The following TSPAN16 variants were observed in gnomAD, a reference collection of about 807,000 sequenced individuals.
TSPAN16 encodes the protein tetraspanin-16.
Under a neutral mutation model 25.2 loss-of-function variants are expected in TSPAN16, and 23 were observed. The observed-to-expected ratio is 0.91, with a 90% confidence interval of 0.66 to 1.29. The LOEUF (loss-of-function observed/expected upper bound fraction) is 1.29. Ranked by LOEUF, TSPAN16 falls within the 50% of genes most tolerant of loss-of-function variation. The pLI is 0.00. For missense variants in TSPAN16, 272 were observed against 299.9 expected (o/e 0.91, Z 0.69); for synonymous variants, 123 against 124.4 (o/e 0.99, Z 0.08).
intron 6 of TSPAN16, chr19:11,322,502 G>A (rs1299054074): frequency 6.6e-6 from 1 of 152,174 alleles, no homozygotes; most frequent in African/African-American, 2.4e-5. Flanking sequence ...CCCTGGAGCT[G>A]GAGAGGGGTT....
rs555734547 is a variant in TSPAN16, at chr19:11,296,702, AT to A, written c.69+343del. Among the ~76,000 whole-genome samples, 863 of 152,252 alleles carry A rather than the reference AT, an allele frequency of 5.7e-3. 6 individuals carry two copies. The highest frequency in any genetic ancestry group is 9.8e-3 in the Non-Finnish European group (666 of 68,018). ...TTTCTTGATCTTTTAAATTTGTCAC[AT>A]TTTTTTCCTTACCGTAAAAGTAACC... On this transcript the variant is annotated intron_variant, in intron 1 of 6. Coordinates refer to ENST00000590327, the MANE Select transcript of TSPAN16 (RefSeq NM_001282509.2).
At chr19:11,297,917 G>A (rs1281931739) in intron 1 of TSPAN16, among the ~76,000 whole-genome samples, 2 of 151,896 alleles carry the variant, frequency 1.3e-5, no homozygotes, top group African/African-American at 4.8e-5. Context: ...GCAGACACCT[G>A]AGTAGCTGAG....
At chr19:11,320,918 C>T (rs2080774958), downstream of TSPAN16, among the ~76,000 whole-genome samples, 1 of 151,926 alleles carries the variant, frequency 6.6e-6, no homozygotes, top group Non-Finnish European at 1.5e-5. Context: ...CGCCTGTAAT[C>T]CCAGCATTTT....
At chr19:11,311,408 A>G (rs1013063168) in intron 5 of TSPAN16, among the ~76,000 whole-genome samples, 1 of 149,236 alleles carries the variant, frequency 6.7e-6, no homozygotes, top group African/African-American at 2.5e-5. Flanking sequence ...TGCTGAGATT[A>G]TAGGCATGAA....
In TSPAN16 at chr19:11,301,211, T is replaced by G. The variant is rs1184525672; in HGVS notation, c.353T>G (p.Val118Gly). 5 of 1,613,796 alleles carry G rather than the reference T, an allele frequency of 3.1e-6. No homozygotes were observed. The African/African-American group carries it at 4.0e-5, about 13-fold the overall frequency. Reference protein sequence around the residue: ...VLLFFPIVGDVALEHTFVTLR... With the variant: ...VLLFFPIVGDGALEHTFVTLR... ...TGTCCTCTCTGTGAGGTTGGAGATG[T>G]GGCCTTGGAACACACCTTCGTGACC... The change falls in exon 4 of 7, where the codon GTG becomes GGG. Residue 118 changes from valine (V) to glycine (G), a missense_variant. Val to Gly is a moderately radical substitution (Grantham distance 109). Coordinates refer to ENST00000590327, the MANE Select transcript of TSPAN16 (RefSeq NM_001282509.2).
chr19:11,326,643 GC>G, intron 6 of TSPAN16: 1 of 525,974 alleles, frequency 1.9e-6, no homozygotes, highest in East Asian at 3.4e-5. Context: ...TCTCTCTATT[GC>G]CCAGGCCGGG....
At chr19:11,298,678 C>A (rs1165777582) in intron 2 of TSPAN16, among the ~76,000 whole-genome samples, 194 bp from the exon 3 acceptor site, 1 of 151,990 alleles carries the variant, frequency 6.6e-6, no homozygotes. Flanking sequence ...GTGATCCACC[C>A]GCCTCGGTCT....
chr19:11,313,157 G>A (rs2080711140), intron 6 of TSPAN16, among the ~76,000 whole-genome samples: 1 of 152,082 alleles, frequency 6.6e-6, no homozygotes, highest in African/African-American at 2.4e-5. Flanking sequence ...ATAAAAAAGA[G>A]GAAGACATAT....
chr19:11,302,873 C>T (rs2080578256), intron 4 of TSPAN16, among the ~76,000 whole-genome samples: 1 of 150,834 alleles, frequency 6.6e-6, no homozygotes, highest in African/African-American at 2.4e-5. Context: ...TTCGTGCCAC[C>T]ATGCCTGGCT....
At chr19:11,311,422 C>T (rs771600633) in intron 5 of TSPAN16, among the ~76,000 whole-genome samples, 22 of 152,048 alleles carry the variant, frequency 1.4e-4, no homozygotes, top group Non-Finnish European at 2.9e-4. Context: ...GCATGAACCA[C>T]CACGCCCAGC....
chr19:11,312,240 T>C lies in TSPAN16; in HGVS notation c.687+18T>C, dbSNP rs1450450401. On this transcript the variant is annotated intron_variant, in intron 6 of 6. Coordinates refer to ENST00000590327, the MANE Select transcript of TSPAN16 (RefSeq NM_001282509.2). ...TGATACAGGTAAGACCCAGCCTCTC[T>C]AGGGTCTTTGAGCTGTTTTATTAAG... 6.3e-7 allele frequency: 1 copy of C among 1,586,688 alleles called. No homozygotes were observed. The highest frequency in any genetic ancestry group is 1.4e-5 in the African/African-American group (1 of 74,002).
At chr19:11,325,939 G>A (rs1255318709) in intron 6 of TSPAN16, among the ~76,000 whole-genome samples, 1 of 152,072 alleles carries the variant, frequency 6.6e-6, no homozygotes, top group African/African-American at 2.4e-5. Context: ...GTAGATGGGC[G>A]GCCAGGTGAG....
At chr19:11,320,929 G>A (rs900393288), downstream of TSPAN16, among the ~76,000 whole-genome samples, 7 of 152,158 alleles carry the variant, frequency 4.6e-5, no homozygotes, top group African/African-American at 9.6e-5. Flanking sequence ...CCAGCATTTT[G>A]GGAGGCCAAG....
intron 1 of TSPAN16, 147 bp from the exon 2 acceptor site, chr19:11,297,995 C>A: frequency 1.3e-6 from 1 of 743,290 alleles, no homozygotes; most frequent in Non-Finnish European, 2.2e-6. Context: ...GAGGTCTTAC[C>A]AAGCTGGTCT....
In TSPAN16 at chr19:11,312,234, C is replaced by A; in HGVS notation, c.687+12C>A. 6.3e-7 allele frequency: 1 copy of A among 1,597,204 alleles called. No individual in the cohort carries two copies. The highest frequency in any genetic ancestry group is 8.6e-7 in the Non-Finnish European group (1 of 1,167,986). On this transcript the variant is annotated intron_variant, in intron 6 of 6. Coordinates refer to ENST00000590327, the MANE Select transcript of TSPAN16 (RefSeq NM_001282509.2). ...CTGCAGTGATACAGGTAAGACCCAG[C>A]CTCTCTAGGGTCTTTGAGCTGTTTT...
chr19:11,326,346 A>G (rs2080812858), intron 6 of TSPAN16, among the ~76,000 whole-genome samples: 1 of 152,160 alleles, frequency 6.6e-6, no homozygotes, highest in Admixed American at 6.5e-5. Context: ...ACACCACTGC[A>G]CACCAGCCTG....
intron 6 of TSPAN16, among the ~76,000 whole-genome samples, chr19:11,315,096 C>T (rs1226760527): frequency 6.6e-6 from 1 of 151,474 alleles, no homozygotes; most frequent in Non-Finnish European, 1.5e-5. Context: ...ATTAGCCGGG[C>T]GTGGTGCTGG....
intron 1 of TSPAN16, 63 bp from the exon 2 acceptor site, chr19:11,298,079 C>T (rs1466897313): frequency 1.9e-6 from 3 of 1,560,056 alleles, no homozygotes; most frequent in African/African-American, 2.7e-5. Flanking sequence ...ACCGCACTCA[C>T]CCAGTTCTAT....
intron 6 of TSPAN16, 136 bp downstream of exon 6, chr19:11,312,358 A>C: frequency 2.1e-6 from 1 of 474,918 alleles, no homozygotes; most frequent in Non-Finnish European, 3.7e-6. Flanking sequence ...ACAAAGAAGA[A>C]CAAACTAAAC....
Sources: allele counts gnomAD v4.1 joint callset (sites outside exome capture counted in the v4.1 genomes callset), GRCh38; gene constraint gnomAD v4.1.1; transcripts MANE v1.5; gene names NCBI Gene and HGNC (gene_info 2026-07-23, HGNC 2026-07-21).